Variants in GPI observed in about 807,000 individuals in gnomAD.
The protein encoded by GPI is glucose-6-phosphate isomerase, also known as D-hexose-6-phosphate anomerase.
A neutral mutation model predicts 75.8 loss-of-function variants in GPI; 56 were observed. The observed-to-expected ratio is 0.74, with a 90% CI of 0.60 to 0.92. The LOEUF (loss-of-function observed/expected upper bound fraction) is 0.92, where lower values mean the gene tolerates loss of function less well. Ranked by LOEUF, GPI falls within the 40% of genes least tolerant of loss-of-function variation. The pLI is 0.00. For missense variants in GPI, 638 were observed against 741.0 expected (o/e 0.86, Z 1.61); for synonymous variants, 288 against 285.4 (o/e 1.01, Z -0.09).
Position 34,385,354 on chromosome 19 carries a change from A to C in GPI, c.804+3835A>C, listed in dbSNP as rs150951647. Among the ~76,000 whole-genome samples the C allele has an allele frequency of 9.0e-5, 13 of 143,944 alleles. No homozygotes were observed. The East Asian group carries it at 2.7e-3, about 30-fold the overall frequency. 94.4% of individuals were successfully genotyped at this position (143,944 alleles called of 152,430 possible). On this transcript the variant is annotated intron_variant, in intron 9 of 17. Coordinates refer to ENST00000356487, the MANE Select transcript of GPI (RefSeq NM_000175.5). ...ACAAGAGTGAAACTTTGTCTCAAAC[A>C]AAAAACAAAAAAAAAAAAAAAAGAA...
rs1328298693 is a variant in GPI, at chr19:34,366,881, C to T, written c.282+30C>T. 9 of 1,473,692 alleles carry T rather than the reference C, an allele frequency of 6.1e-6. No homozygotes were observed. The East Asian group carries it at 1.8e-4, about 30-fold the overall frequency. The allele number at this position is 1,473,692 out of a possible 1,614,324, so 91.3% of individuals were successfully genotyped here. On this transcript the variant is annotated intron_variant, in intron 3 of 17. Transcript: ENST00000356487. ...GCAGGCCCCACATACCCTCTGGGGC[C>T]TCCTTCCTTCCCTTTGGGGTTTATC... is the stretch of plus-strand genomic sequence containing the variant.
intron 9 of GPI, among the ~76,000 whole-genome samples, chr19:34,382,726 C>G (rs2074673701): frequency 6.6e-6 from 1 of 151,992 alleles, no homozygotes; most frequent in African/African-American, 2.4e-5. Context: ...TTGTCACCAC[C>G]CAGCATGTAG....
At position 34,377,326 on chromosome 19, in the gene GPI, AAAAAAAAAAAATATAT is replaced by A. The variant is rs1234859036; in HGVS notation, c.403-175_403-160del. ...CAAAAAAAAAAAAAAAAAAAAAAAA[AAAAAAAAAAAATATAT>A]ATATATATATATATATGGTAAATTA... is the stretch of plus-strand genomic sequence containing the variant. On this transcript the variant is annotated intron_variant, in intron 4 of 17. Coordinates refer to ENST00000356487, the MANE Select transcript of GPI (RefSeq NM_000175.5). 5.8e-4 allele frequency among the ~76,000 whole-genome samples: 51 copies of A among 88,484 alleles called. 2 individuals are homozygous for A. Among genetic ancestry groups the A allele is most frequent in the Middle Eastern group, 5.1e-3 (1 of 198 alleles). 58.0% of individuals were successfully genotyped at this position (88,484 alleles called of 152,430 possible).
Position 34,378,951 on chromosome 19 carries a change from G to C in GPI, c.651G>C (p.Glu217Asp). 1.2e-6 allele frequency: 2 copies of C among 1,614,204 alleles called. No individual in the cohort carries two copies. The highest frequency in any genetic ancestry group is 1.7e-6 in the Non-Finnish European group (2 of 1,180,016). ...GGTTGCAGACCTTTACTACCCAGGAGACCATCACGAATGCAGAGACGGCGA... is the reference window on the plus strand; with the variant it reads ...GGTTGCAGACCTTTACTACCCAGGACACCATCACGAATGCAGAGACGGCGA... ...IIASKTFTTQETITNAETAKE... is the reference protein window; with the variant it reads ...IIASKTFTTQDTITNAETAKE... The change falls in exon 7 of 18, where the codon GAG becomes GAC. Residue 217 changes from glutamate to aspartate, a missense_variant. Physicochemically the swap from Glu to Asp is conservative, Grantham distance 45 (BLOSUM62 2). Transcript: ENST00000356487.
chr19:34,392,095 A>T (rs375880163), intron 9 of GPI: 1 of 1,674 alleles, frequency 6.0e-4, no homozygotes, highest in Non-Finnish European at 9.1e-4. Context: ...CTGAGGAGGT[A>T]GGATCTGGCA....
chr19:34,365,428 C>G (rs907445698), intron 1 of GPI, 40 bp downstream of exon 1: 1 of 1,526,944 alleles, frequency 6.5e-7, no homozygotes, highest in Admixed American at 2.0e-5. Context: ...ACGCGCGGCG[C>G]CCGGAACCGG....
In GPI at chr19:34,368,602, T is replaced by A; in HGVS notation, c.302T>A (p.Val101Glu). 1 of 1,614,160 alleles carries A rather than the reference T, an allele frequency of 6.2e-7. No homozygotes were observed. The highest frequency in any genetic ancestry group is 8.5e-7 in the Non-Finnish European group (1 of 1,180,002). ...CCCCAGGGTCGAGCCGTGCTGCACGTGGCTCTGCGGAACCGGTCAAACACA... is the reference window on the plus strand; with the variant it reads ...CCCCAGGGTCGAGCCGTGCTGCACGAGGCTCTGCGGAACCGGTCAAACACA... ...NYTEGRAVLH[V>E]ALRNRSNTPI... Residue 101 changes from valine (V) to glutamate (E), a missense_variant, in exon 4 of 18, where the codon GTG becomes GAG. Transcript: ENST00000356487.
intron 9 of GPI, among the ~76,000 whole-genome samples, chr19:34,384,470 A>G (rs1416208354): frequency 6.6e-6 from 1 of 152,192 alleles, no homozygotes; most frequent in East Asian, 1.9e-4. Context: ...TTGTCAGGTG[A>G]CATCTATGAA....
rs768471382 is a variant in GPI at position 34,396,573 on chromosome 19, C to T, written c.1193-8C>T. On this transcript the variant is annotated splice_region_variant and splice_polypyrimidine_tract_variant and intron_variant, in intron 13 of 17. Coordinates refer to ENST00000356487, the MANE Select transcript of GPI (RefSeq NM_000175.5). ...GGGTCATGTGGGTGACCACAGTGCC[C>T]TTCACAGGCACCAAGATGATACCCT... 6.2e-7 allele frequency: 1 copy of T among 1,613,974 alleles called. No homozygotes were observed. The highest frequency in any genetic ancestry group is 8.5e-7 in the Non-Finnish European group (1 of 1,179,818).
At chr19:34,399,530 G>A in intron 15 of GPI, 26 bp from the exon 16 acceptor site, 7 of 1,609,922 alleles carry the variant, frequency 4.3e-6, no homozygotes, top group Non-Finnish European at 6.0e-6. Flanking sequence ...GACTCTCTTG[G>A]AGACATTCCT....
At chr19:34,365,133 G>GGGGCT, upstream of GPI, 2 of 1,251,352 alleles carry the variant, frequency 1.6e-6, no homozygotes, top group Non-Finnish European at 2.0e-6. Flanking sequence ...GCTCAGGGGT[G>GGGGCT]GGGCCGGGCC....
intron 4 of GPI, among the ~76,000 whole-genome samples, chr19:34,372,225 C>T (rs2145339286): frequency 6.6e-6 from 1 of 152,314 alleles, no homozygotes; most frequent in Middle Eastern, 3.4e-3. Context: ...GCCACCACAC[C>T]CAGCCAAGAC....
upstream of GPI, among the ~76,000 whole-genome samples, chr19:34,364,384 C>CTTTTT (rs555720207): frequency 1.4e-5 from 2 of 139,404 alleles, no homozygotes; most frequent in African/African-American, 2.6e-5. Context: ...CTGACCTCAT[C>CTTTTT]TTTTTTTTTT....
At chr19:34,384,855 C>T (rs1216576023) in intron 9 of GPI, among the ~76,000 whole-genome samples, 1 of 152,068 alleles carries the variant, frequency 6.6e-6, no homozygotes, top group Admixed American at 6.6e-5. Context: ...CCAGCCTGGC[C>T]AGCATAGCGA....
chr19:34,395,380 C>G (rs2074929749), intron 12 of GPI, among the ~76,000 whole-genome samples: 1 of 151,646 alleles, frequency 6.6e-6, no homozygotes, highest in South Asian at 2.1e-4. Flanking sequence ...AAAAAACCCA[C>G]AAAAACTAAC....
At chr19:34,369,704 C>CAAAAAAAA (rs35036655) in intron 4 of GPI, among the ~76,000 whole-genome samples, 1 of 142,578 alleles carries the variant, frequency 7.0e-6, no homozygotes, top group African/African-American at 2.6e-5. Context: ...GAGACTCTGT[C>CAAAAAAAA]AAAAAAAAAA....
At chr19:34,374,935 C>G (rs1338732134) in intron 4 of GPI, among the ~76,000 whole-genome samples, 1 of 151,410 alleles carries the variant, frequency 6.6e-6, no homozygotes, top group African/African-American at 2.4e-5. Flanking sequence ...GCTATGTTGC[C>G]CAGGCTAGTT....
chr19:34,364,916 GCT>G (rs1180034554), upstream of GPI: 3 of 1,469,544 alleles, frequency 2.0e-6, no homozygotes, highest in Admixed American at 4.1e-5. Context: ...CGCGATGGTA[GCT>G]CTCTGCAGCC....
At chr19:34,381,712 C>A in intron 9 of GPI, 193 bp downstream of exon 9, 1 of 651,086 alleles carries the variant, frequency 1.5e-6, no homozygotes, top group South Asian at 1.7e-5. Flanking sequence ...CCACTTCCAC[C>A]TGAGGGCGGG....
Sources: allele counts gnomAD v4.1 joint callset (sites outside exome capture counted in the v4.1 genomes callset), GRCh38; gene constraint gnomAD v4.1.1; transcripts MANE v1.5; gene names NCBI Gene and HGNC (gene_info 2026-07-23, HGNC 2026-07-21).